Variants in PTPN3 observed in about 807,000 individuals in gnomAD.
PTPN3 encodes the protein protein tyrosine phosphatase non-receptor type 3.
A neutral mutation model predicts 132.7 loss-of-function variants in PTPN3; 96 were observed. That is an observed-to-expected ratio of 0.72 (90% confidence interval 0.61 to 0.86). PTPN3 has a LOEUF of 0.86. Among genes scored for constraint, PTPN3 ranks in the 40% least tolerant of loss-of-function variants. The probability of loss-of-function intolerance (pLI) is 0.00; values close to 1 mark genes in which losing one functional copy is unlikely to be tolerated. For synonymous variants in PTPN3, 398 were observed against 429.0 expected, an observed-to-expected ratio of 0.93 and a Z score of 0.89; for missense variants, 1,125 against 1,159.6, an observed-to-expected ratio of 0.97 and a Z score of 0.43.
chr9:109,516,020 G>T, the PTPN3 span, among the ~76,000 whole-genome samples: 1 of 152,064 alleles, frequency 6.6e-6, no homozygotes, highest in Non-Finnish European at 1.5e-5. Flanking sequence ...TTACTATACC[G>T]GCACAGAACC....
the PTPN3 span, chr9:109,534,145 G>C: frequency 1.2e-6 from 1 of 819,882 alleles, no homozygotes; most frequent in Admixed American, 1.7e-5. Flanking sequence ...CCATTTTACT[G>C]TTCCCAAAAC....
chr9:109,442,626 A>G (rs998748284), intron 7 of PTPN3, among the ~76,000 whole-genome samples: 1 of 152,234 alleles, frequency 6.6e-6, no homozygotes, highest in Non-Finnish European at 1.5e-5. Context: ...AATAGAATTT[A>G]CTGTTTACAA....
upstream of PTPN3, among the ~76,000 whole-genome samples, chr9:109,502,845 G>A (rs1358176665): frequency 2.6e-5 from 4 of 152,054 alleles, no homozygotes; most frequent in South Asian, 2.1e-4. Context: ...GTTGAACATC[G>A]GTAACTTCCT....
chr9:109,524,263 A>G, the PTPN3 span, among the ~76,000 whole-genome samples: 5 of 151,814 alleles, frequency 3.3e-5, no homozygotes, highest in African/African-American at 9.7e-5. Context: ...CCAGCAGACA[A>G]ACAAACCAAC....
intron 5 of PTPN3, chr9:109,450,956 A>T: frequency 1.0e-6 from 1 of 984,508 alleles, no homozygotes; most frequent in Non-Finnish European, 1.2e-6. Flanking sequence ...GAATTTCCTT[A>T]AACAGGAACT....
chr9:109,522,436 C>A, the PTPN3 span, among the ~76,000 whole-genome samples: 1 of 152,164 alleles, frequency 6.6e-6, no homozygotes, highest in Non-Finnish European at 1.5e-5. Context: ...TAAAGAGGAC[C>A]TCCTGGAAGC....
intron 14 of PTPN3, among the ~76,000 whole-genome samples, chr9:109,413,386 T>G (rs1842228562): frequency 6.6e-6 from 1 of 152,190 alleles, no homozygotes. Flanking sequence ...CTGTTCAGTG[T>G]GCAAGATGGA....
Position 109,391,543 on chromosome 9 carries a change from G to A in PTPN3, c.1972C>T (p.Pro658Ser). The A allele has an allele frequency of 3.1e-6, 5 of 1,613,650 alleles. No individual in the cohort carries two copies. The highest frequency in any genetic ancestry group is 4.2e-6 in the Non-Finnish European group (5 of 1,179,702). The change falls in exon 20 of 26, where the codon CCA becomes TCA. Residue 658 changes from proline (P) to serine (S), a missense_variant. Coordinates refer to ENST00000374541, the MANE Select transcript of PTPN3 (RefSeq NM_002829.4). ...TTTGCAAACGTGATGGCCAAACCTG[G>A]CTTTTTTCTGTAGAGTTGCTATGTG... is the stretch of plus-strand genomic sequence containing the variant. Reference protein sequence around the residue: ...IQFEQLYRKKPGLAITFAKLP... With the variant: ...IQFEQLYRKKSGLAITFAKLP...
intron 12 of PTPN3, among the ~76,000 whole-genome samples, 163 bp from the exon 13 acceptor site, chr9:109,423,015 G>C (rs1211409177): frequency 2.0e-5 from 3 of 152,220 alleles, no homozygotes; most frequent in Non-Finnish European, 4.4e-5. Context: ...ATTCCTGTCT[G>C]TCCTGGAATT....
intron 5 of PTPN3, chr9:109,450,789 T>C: frequency 3.0e-6 from 3 of 985,470 alleles, no homozygotes; most frequent in South Asian, 9.4e-5. Flanking sequence ...ACTTCAGAAA[T>C]GTAATGACCT....
At chr9:109,478,872 G>A (rs1846820477) in intron 1 of PTPN3, among the ~76,000 whole-genome samples, 1 of 152,188 alleles carries the variant, frequency 6.6e-6, no homozygotes, top group Non-Finnish European at 1.5e-5. Flanking sequence ...TACCACATGT[G>A]TTTCTGAGGT....
chr9:109,460,619 C>A (rs997405038), intron 2 of PTPN3, among the ~76,000 whole-genome samples: 31 of 152,168 alleles, frequency 2.0e-4, no homozygotes, highest in Admixed American at 1.6e-3. Flanking sequence ...CACTGCTGTT[C>A]CTTCTCCCTG....
At chr9:109,473,070 A>C (rs1008907492) in intron 1 of PTPN3, among the ~76,000 whole-genome samples, 7 of 152,354 alleles carry the variant, frequency 4.6e-5, no homozygotes, top group Admixed American at 2.0e-4. Context: ...TTATGAAAAA[A>C]TGATTTATGA....
intron 12 of PTPN3, among the ~76,000 whole-genome samples, chr9:109,424,141 G>A (rs952122438): frequency 6.6e-6 from 1 of 152,022 alleles, no homozygotes; most frequent in African/African-American, 2.4e-5. Flanking sequence ...TATTAATAGG[G>A]ACTCTCTGAA....
the PTPN3 span, among the ~76,000 whole-genome samples, chr9:109,526,463 C>T: frequency 6.6e-5 from 10 of 151,414 alleles, no homozygotes; most frequent in African/African-American, 1.9e-4. Context: ...GCTTGAGCCC[C>T]GGAGTTTGAG....
chr9:109,383,770 C>T (rs983028629), intron 22 of PTPN3, among the ~76,000 whole-genome samples: 1 of 152,164 alleles, frequency 6.6e-6, no homozygotes, highest in African/African-American at 2.4e-5. Flanking sequence ...CCCCAGGCTG[C>T]AGCCTGGAGG....
the PTPN3 span, among the ~76,000 whole-genome samples, chr9:109,521,683 C>T: frequency 2.0e-5 from 3 of 152,200 alleles, no homozygotes; most frequent in Non-Finnish European, 4.4e-5. Flanking sequence ...AAATACTTAT[C>T]AAACTATATT....
At position 109,469,576 on chromosome 9, in the gene PTPN3, G is replaced by A. The variant is rs1564470881; in HGVS notation, c.-17-6125C>T. On this transcript the variant is annotated intron_variant, in intron 1 of 25. Transcript: ENST00000374541. ...AGAGATTGCAATGAGCCAAGATCGC[G>A]CCATTGCACTCCAGCCTGAGCGACA... 2.6e-5 allele frequency among the ~76,000 whole-genome samples: 4 copies of A among 152,188 alleles called. No individual in the cohort carries two copies. In the South Asian group the frequency reaches 8.3e-4, roughly 32 times the overall value.
chr9:109,505,780 C>T, the PTPN3 span, among the ~76,000 whole-genome samples: 4 of 150,904 alleles, frequency 2.7e-5, no homozygotes, highest in Non-Finnish European at 4.4e-5. Flanking sequence ...GACAGAATCT[C>T]GCTCTGTGGC....
Sources: gnomAD v4.1 joint callset for allele counts (sites outside exome capture counted in the v4.1 genomes callset) on GRCh38, gnomAD v4.1.1 for gene constraint, MANE v1.5 for transcripts, NCBI Gene and HGNC (gene_info 2026-07-23, HGNC 2026-07-21) for gene names.